MCCC2: variants seen among roughly 807,000 people sequenced by gnomAD.
MCCC2 encodes methylcrotonyl-CoA carboxylase subunit 2.
A neutral mutation model predicts 77.2 loss-of-function variants in MCCC2; 52 were observed. The ratio of observed to expected loss-of-function variants is 0.67; its 90% CI spans 0.54 to 0.85. MCCC2 has a LOEUF of 0.85. Among genes scored for constraint, MCCC2 ranks in the 40% least tolerant of loss-of-function variants. MCCC2 has a pLI of 0.00. For missense variants in MCCC2, 682 were observed against 703.2 expected, an observed-to-expected ratio of 0.97 and a Z score of 0.34; for synonymous variants, 253 against 248.4, an observed-to-expected ratio of 1.02 and a Z score of -0.18.
At chr5:71,639,001 C>A (rs909472849) in intron 10 of MCCC2, among the ~76,000 whole-genome samples, 3 of 152,088 alleles carry the variant, frequency 2.0e-5, no homozygotes, top group African/African-American at 4.8e-5. Context: ...TGAAAGAAAT[C>A]TTTTTTTCTG....
intron 15 of MCCC2, among the ~76,000 whole-genome samples, chr5:71,651,892 A>G (rs1487942875): frequency 1.3e-5 from 2 of 152,216 alleles, no homozygotes; most frequent in African/African-American, 4.8e-5. Flanking sequence ...GATTACTTCA[A>G]TATACAGATA....
chr5:71,645,597 C>G (rs1747252777), intron 12 of MCCC2, among the ~76,000 whole-genome samples: 1 of 152,184 alleles, frequency 6.6e-6, no homozygotes, highest in African/African-American at 2.4e-5. Flanking sequence ...CTTCATATCC[C>G]AGGAGGGTTT....
At chr5:71,594,964 T>C (rs1276458636) in intron 2 of MCCC2, among the ~76,000 whole-genome samples, 1 of 116,604 alleles carries the variant, frequency 8.6e-6, no homozygotes, top group Non-Finnish European at 1.9e-5. Flanking sequence ...AGTGGCGCGA[T>C]CTCAGTTCAC....
At chr5:71,601,106 T>C (rs1745412118) in intron 4 of MCCC2, among the ~76,000 whole-genome samples, 1 of 152,164 alleles carries the variant, frequency 6.6e-6, no homozygotes, top group African/African-American at 2.4e-5. Flanking sequence ...GTTGCCAAAA[T>C]AATAGATGCT....
At chr5:71,611,857 C>T (rs190361180) in intron 6 of MCCC2, among the ~76,000 whole-genome samples, 10 of 150,558 alleles carry the variant, frequency 6.6e-5, no homozygotes, top group Admixed American at 3.3e-4. Context: ...GGTGCTACCT[C>T]GGCTCACTGC....
chr5:71,621,842 A>G lies in MCCC2; in HGVS notation c.625-4798A>G, dbSNP rs184796827. ...ACCTATTATCTGATAGCACAACTGG[A>G]TGACTGTAGTCAATAATAATAACAA... On this transcript the variant is annotated intron_variant, in intron 6 of 16. Coordinates refer to ENST00000340941, the MANE Select transcript of MCCC2 (RefSeq NM_022132.5). Among the ~76,000 whole-genome samples the G allele has an allele frequency of 5.9e-5, 9 of 152,306 alleles. No individual in the cohort carries two copies. The East Asian group carries it at 1.7e-3, about 29-fold the overall frequency.
At chr5:71,602,720 G>A in intron 5 of MCCC2, 87 bp downstream of exon 5, 2 of 1,576,608 alleles carry the variant, frequency 1.3e-6, no homozygotes, top group South Asian at 2.2e-5. Context: ...CATTTGGGAT[G>A]GGTATTTTAT....
In MCCC2 at chr5:71,615,035, C is replaced by T. The variant is rs113388387; in HGVS notation, c.624+10567C>T. Reference sequence around the variant, plus strand: ...AGGTTGGAGTGCAGTGGCACGATCTCGGCTCACTGCAACCTCCACCTCCTG... The same window carrying T: ...AGGTTGGAGTGCAGTGGCACGATCTTGGCTCACTGCAACCTCCACCTCCTG... On this transcript the variant is annotated intron_variant, in intron 6 of 16. Coordinates refer to ENST00000340941, the MANE Select transcript of MCCC2 (RefSeq NM_022132.5). Among the ~76,000 whole-genome samples the T allele has an allele frequency of 5.7e-3, 871 of 152,052 alleles. 9 individuals are homozygous for T. Among genetic ancestry groups the T allele is most frequent in the African/African-American group, 0.019 (805 of 41,480 alleles).
intron 7 of MCCC2, among the ~76,000 whole-genome samples, chr5:71,627,186 G>A (rs1746561342): frequency 6.6e-6 from 1 of 152,122 alleles, no homozygotes; most frequent in Admixed American, 6.5e-5. Flanking sequence ...TCAGTGTTAA[G>A]GCTAAATAAT....
chr5:71,622,780 C>G (rs1387518707), intron 6 of MCCC2, among the ~76,000 whole-genome samples: 1 of 152,192 alleles, frequency 6.6e-6, no homozygotes, highest in Non-Finnish European at 1.5e-5. Context: ...GCTGGGATTA[C>G]AGGCATGTGC....
At chr5:71,608,994 C>T (rs1189881675) in intron 6 of MCCC2, among the ~76,000 whole-genome samples, 1 of 152,002 alleles carries the variant, frequency 6.6e-6, no homozygotes, top group Non-Finnish European at 1.5e-5. Flanking sequence ...TCTGGCTGCC[C>T]TTAACATTTT....
At chr5:71,625,307 C>T (rs1324999562) in intron 6 of MCCC2, among the ~76,000 whole-genome samples, 2 of 152,058 alleles carry the variant, frequency 1.3e-5, no homozygotes, top group Non-Finnish European at 2.9e-5. Flanking sequence ...AAATTGTGTC[C>T]TTTGCTTCCC....
At chr5:71,646,937 C>T (rs1369725081) in intron 13 of MCCC2, among the ~76,000 whole-genome samples, 1 of 152,122 alleles carries the variant, frequency 6.6e-6, no homozygotes, top group East Asian at 1.9e-4. Context: ...ATACCCTGAA[C>T]CAAAGTCTGG....
At chr5:71,615,340 A>T (rs559740610) in intron 6 of MCCC2, among the ~76,000 whole-genome samples, 1 of 152,228 alleles carries the variant, frequency 6.6e-6, no homozygotes, top group East Asian at 1.9e-4. Flanking sequence ...GCCCTACGAG[A>T]GTTTCACCAG....
chr5:71,621,437 A>G (rs1241387980), intron 6 of MCCC2, among the ~76,000 whole-genome samples: 1 of 152,234 alleles, frequency 6.6e-6, no homozygotes, highest in African/African-American at 2.4e-5. Context: ...GAACTAAATG[A>G]CAAGGATTAT....
At chr5:71,633,131 A>ATATATATATATTTT (rs1554137344) in intron 8 of MCCC2, among the ~76,000 whole-genome samples, 5 of 78,088 alleles carry the variant, frequency 6.4e-5, no homozygotes, top group African/African-American at 2.5e-4. Flanking sequence ...ATATATATAT[A>ATATATATATATTTT]TTTTTATTTT....
At chr5:71,616,665 T>G (rs1351454948) in intron 6 of MCCC2, among the ~76,000 whole-genome samples, 1 of 152,066 alleles carries the variant, frequency 6.6e-6, no homozygotes. Flanking sequence ...AGCACTACCT[T>G]GCTCTTTCCC....
intron 14 of MCCC2, among the ~76,000 whole-genome samples, chr5:71,649,764 C>G (rs1205060459): frequency 4.6e-5 from 7 of 152,160 alleles, no homozygotes; most frequent in Non-Finnish European, 8.8e-5. Flanking sequence ...TAAAGAGAGA[C>G]AGCACATATA....
chr5:71,614,534 T>A (rs947302874), intron 6 of MCCC2, among the ~76,000 whole-genome samples: 1 of 149,676 alleles, frequency 6.7e-6, no homozygotes, highest in Non-Finnish European at 1.5e-5. Context: ...CAGGCTGGAG[T>A]GCAGTGGCGT....
Sources: gnomAD v4.1 joint callset for allele counts (sites outside exome capture counted in the v4.1 genomes callset) on GRCh38, gnomAD v4.1.1 for gene constraint, MANE v1.5 for transcripts, NCBI Gene and HGNC (gene_info 2026-07-23, HGNC 2026-07-21) for gene names.